PRKD1: variants seen among roughly 807,000 people sequenced by gnomAD.
The protein encoded by PRKD1 is protein kinase D1.
Under a neutral mutation model 95.9 loss-of-function variants are expected in PRKD1, and 63 were observed. That is an observed-to-expected ratio of 0.66 (90% confidence interval 0.54 to 0.81). The LOEUF (loss-of-function observed/expected upper bound fraction) is 0.81, where lower values mean the gene tolerates loss of function less well. Among genes scored for constraint, PRKD1 ranks in the 30% least tolerant of loss-of-function variants. The pLI, the probability that PRKD1 is intolerant of heterozygous loss-of-function variation, is 0.00. For missense variants in PRKD1, 1,048 were observed against 1,165.3 expected (o/e 0.90, Z 1.47); for synonymous variants, 425 against 423.1 (o/e 1.00, Z -0.05).
chr14:29,598,642 G>A (rs924973797), intron 15 of PRKD1, among the ~76,000 whole-genome samples: 3 of 152,232 alleles, frequency 2.0e-5, no homozygotes, highest in Middle Eastern at 3.4e-3. Context: ...AATTCCCTGC[G>A]GAGATAGCTG....
At chr14:29,736,087 T>C (rs952631943) in intron 1 of PRKD1, among the ~76,000 whole-genome samples, 1 of 152,244 alleles carries the variant, frequency 6.6e-6, no homozygotes, top group African/African-American at 2.4e-5. Context: ...GACATGGCTC[T>C]TTCCCTTCAA....
At chr14:29,620,896 A>G (rs1879204662) in intron 13 of PRKD1, among the ~76,000 whole-genome samples, 1 of 151,890 alleles carries the variant, frequency 6.6e-6, no homozygotes, top group East Asian at 1.9e-4. Flanking sequence ...TTGCGGCACT[A>G]TTCACAATAG....
In PRKD1 at chr14:29,663,957, C is replaced by T. The variant is rs3759547; in HGVS notation, c.536-98G>A. ...AGAAATTTAAAAAATAGTACAGCTT[C>T]CATTTTCCTTGAGAGTATTTGGAAA... On this transcript the variant is annotated intron_variant, in intron 3 of 17. Transcript: ENST00000331968. 2.1e-5 allele frequency: 25 copies of T among 1,211,114 alleles called. No homozygotes were observed. The East Asian group carries it at 5.8e-4, about 28-fold the overall frequency. 75.0% of individuals were successfully genotyped at this position (1,211,114 alleles called of 1,614,324 possible).
intron 13 of PRKD1, among the ~76,000 whole-genome samples, chr14:29,603,861 A>T (rs1389306163): frequency 6.6e-6 from 1 of 152,194 alleles, no homozygotes; most frequent in African/African-American, 2.4e-5. Flanking sequence ...TGTTGCATTT[A>T]AGCAATTTAA....
At chr14:29,664,806 A>G (rs1882391569) in intron 3 of PRKD1, among the ~76,000 whole-genome samples, 1 of 152,220 alleles carries the variant, frequency 6.6e-6, no homozygotes, top group Non-Finnish European at 1.5e-5. Flanking sequence ...TTCTTTCCAC[A>G]TTATGATAAA....
At chr14:29,667,311 T>C (rs1393348561) in intron 2 of PRKD1, among the ~76,000 whole-genome samples, 1 of 152,164 alleles carries the variant, frequency 6.6e-6, no homozygotes, top group African/African-American at 2.4e-5. Context: ...AATTTAAACT[T>C]CCATTAATGT....
At chr14:29,775,583 C>A (rs1321014475) in intron 1 of PRKD1, among the ~76,000 whole-genome samples, 6 of 152,120 alleles carry the variant, frequency 3.9e-5, no homozygotes, top group African/African-American at 1.4e-4. Flanking sequence ...TGCAAGGCTG[C>A]AGCAAGTCTT....
intron 9 of PRKD1, among the ~76,000 whole-genome samples, chr14:29,631,860 G>T (rs1029548166): frequency 6.6e-6 from 1 of 151,006 alleles, no homozygotes; most frequent in African/African-American, 2.4e-5. Context: ...GGAGTGCATT[G>T]GTGCAATCCT....
At chr14:29,672,372 A>T (rs557673251) in intron 2 of PRKD1, among the ~76,000 whole-genome samples, 247 of 151,910 alleles carry the variant, frequency 1.6e-3, no homozygotes, top group Admixed American at 4.3e-3. Flanking sequence ...AAAATAAAAT[A>T]AAATAATTAA....
At chr14:29,673,550 T>G (rs569427315) in intron 2 of PRKD1, among the ~76,000 whole-genome samples, 1 of 152,356 alleles carries the variant, frequency 6.6e-6, no homozygotes, top group Non-Finnish European at 1.5e-5. Context: ...AATGTATCAC[T>G]GAATATTGCC....
intron 16 of PRKD1, among the ~76,000 whole-genome samples, chr14:29,594,696 T>G (rs189886198): frequency 3.2e-4 from 49 of 152,312 alleles, no homozygotes; most frequent in Admixed American, 3.1e-3. Flanking sequence ...TGGTGTGGTT[T>G]AAAGTATCCT....
chr14:29,848,369 A>C (rs1485205039), intron 1 of PRKD1, among the ~76,000 whole-genome samples: 1 of 151,910 alleles, frequency 6.6e-6, no homozygotes, highest in African/African-American at 2.4e-5. Flanking sequence ...TTCCCACTCC[A>C]CCCACACACA....
rs1884608116 is a variant in PRKD1 at position 29,697,754 on chromosome 14, T to A, written c.403+27782A>T. On this transcript the variant is annotated intron_variant, in intron 2 of 17. Coordinates refer to ENST00000331968, the MANE Select transcript of PRKD1 (RefSeq NM_002742.3). ...GAATTTCTCCAGCAATTTCAGCAAA[T>A]GTATTTTTAACTTTAACAAACAGTA... 2.0e-5 allele frequency among the ~76,000 whole-genome samples: 3 copies of A among 152,174 alleles called. No individual in the cohort carries two copies. In the South Asian group the frequency reaches 6.2e-4, roughly 31 times the overall value.
intron 2 of PRKD1, among the ~76,000 whole-genome samples, chr14:29,725,106 T>C (rs1886075331): frequency 6.6e-6 from 1 of 152,194 alleles, no homozygotes. Context: ...TCATAGCTAC[T>C]GGACTTTTGA....
intron 1 of PRKD1, among the ~76,000 whole-genome samples, chr14:29,836,741 G>T (rs1184239100): frequency 6.6e-6 from 1 of 152,130 alleles, no homozygotes. Flanking sequence ...CACATGAGAA[G>T]GTCCAAATTT....
At chr14:29,716,414 C>T (rs1885612422) in intron 2 of PRKD1, among the ~76,000 whole-genome samples, 3 of 152,020 alleles carry the variant, frequency 2.0e-5, no homozygotes, top group Admixed American at 2.0e-4. Context: ...GCCAGCTGAC[C>T]CTTAGGCAGG....
rs1343201321 is a variant in PRKD1, at chr14:29,578,569, A to AAAG, written c.2435-212_2435-210dup. 3.8e-4 allele frequency among the ~76,000 whole-genome samples: 57 copies of AAAG among 148,642 alleles called. 1 individual carries two copies. The East Asian group carries it at 4.8e-3, about 12-fold the overall frequency. The stretch of plus-strand genomic sequence containing the variant: ...AAAAAAAAAAAAAAAAAAAAAAAAA[A>AAAG]AAGAAGAAGTTGGAAGTAATTATGG... On this transcript the variant is annotated intron_variant, in intron 16 of 17. Coordinates refer to ENST00000331968, the MANE Select transcript of PRKD1 (RefSeq NM_002742.3).
chr14:29,839,494 C>T (rs186244971), intron 1 of PRKD1, among the ~76,000 whole-genome samples: 191 of 152,250 alleles, frequency 1.3e-3, no homozygotes, highest in African/African-American at 4.4e-3. Context: ...GTGCACGGTG[C>T]AAGCTGTCAA....
At chr14:29,752,706 G>C (rs1224671281) in intron 1 of PRKD1, among the ~76,000 whole-genome samples, 2 of 151,788 alleles carry the variant, frequency 1.3e-5, no homozygotes, top group African/African-American at 4.8e-5. Flanking sequence ...GAGGTCAAAG[G>C]CCAAAAAGTG....
Sources: gnomAD v4.1 joint callset for allele counts (sites outside exome capture counted in the v4.1 genomes callset) on GRCh38, gnomAD v4.1.1 for gene constraint, MANE v1.5 for transcripts, NCBI Gene and HGNC (gene_info 2026-07-23, HGNC 2026-07-21) for gene names.